NXPH1: variants seen among roughly 807,000 people sequenced by gnomAD.
The protein encoded by NXPH1 is neurexophilin 1.
Under a neutral mutation model 23.7 loss-of-function variants are expected in NXPH1, and 5 were observed. The observed-to-expected ratio is 0.21, with a 90% CI of 0.11 to 0.44. The LOEUF (loss-of-function observed/expected upper bound fraction) is 0.44, where lower values mean the gene tolerates loss of function less well. NXPH1 is among the 20% of genes least tolerant of loss of function. NXPH1 has a pLI of 0.99. For missense variants in NXPH1, 324 were observed against 321.6 expected (o/e 1.01, Z -0.06); for synonymous variants, 144 against 122.2 (o/e 1.18, Z -1.18).
chr7:8,581,940 C>T (rs538194078), intron 2 of NXPH1, among the ~76,000 whole-genome samples: 1 of 152,286 alleles, frequency 6.6e-6, no homozygotes, highest in African/African-American at 2.4e-5. Context: ...CTTGTGCTAC[C>T]AGCCCAGATC....
At chr7:8,521,100 G>T (rs1299383533) in intron 2 of NXPH1, among the ~76,000 whole-genome samples, 2 of 152,156 alleles carry the variant, frequency 1.3e-5, no homozygotes, top group Non-Finnish European at 2.9e-5. Flanking sequence ...TACTTCCTAG[G>T]GTGATTCTAG....
At chr7:8,738,479 G>A (rs554636882) in intron 2 of NXPH1, among the ~76,000 whole-genome samples, 2 of 152,302 alleles carry the variant, frequency 1.3e-5, no homozygotes, top group African/African-American at 4.8e-5. Context: ...ATTGCTGCCT[G>A]TTCCTTCCTC....
chr7:8,504,360 A>AT (rs1299363388), intron 2 of NXPH1, among the ~76,000 whole-genome samples: 3 of 151,600 alleles, frequency 2.0e-5, no homozygotes, highest in African/African-American at 4.8e-5. Flanking sequence ...ATATAATTGT[A>AT]TTTTTTTCAG....
chr7:8,731,730 ACTGCT>A (rs1667698592), intron 2 of NXPH1, among the ~76,000 whole-genome samples: 1 of 152,224 alleles, frequency 6.6e-6, no homozygotes, highest in Non-Finnish European at 1.5e-5. Flanking sequence ...TGGGAGAACC[ACTGCT>A]CTCTTCAAAG....
chr7:8,473,241 CT>C (rs1242563543), intron 2 of NXPH1, among the ~76,000 whole-genome samples: 1 of 152,118 alleles, frequency 6.6e-6, no homozygotes, highest in Non-Finnish European at 1.5e-5. Context: ...TATTGAGCGG[CT>C]GTTCCCAACC....
At chr7:8,600,366 T>G (rs1206643936) in intron 2 of NXPH1, among the ~76,000 whole-genome samples, 1 of 152,212 alleles carries the variant, frequency 6.6e-6, no homozygotes, top group Non-Finnish European at 1.5e-5. Context: ...GCCCATTCAG[T>G]GCCTGACCCA....
chr7:8,499,704 C>G (rs917370540), intron 2 of NXPH1, among the ~76,000 whole-genome samples: 2 of 152,012 alleles, frequency 1.3e-5, no homozygotes, highest in African/African-American at 4.8e-5. Context: ...AGCTAGACTC[C>G]CAGTGGTGAG....
chr7:8,532,550 C>T (rs1467101097), intron 2 of NXPH1, among the ~76,000 whole-genome samples: 1 of 151,584 alleles, frequency 6.6e-6, no homozygotes, highest in Non-Finnish European at 1.5e-5. Flanking sequence ...TTTGAAGTTA[C>T]TCCTTTCTGG....
At chr7:8,627,516 C>G (rs567947979) in intron 2 of NXPH1, among the ~76,000 whole-genome samples, 1 of 152,022 alleles carries the variant, frequency 6.6e-6, no homozygotes, top group Non-Finnish European at 1.5e-5. Flanking sequence ...GTAGTAGGAT[C>G]GCAGGGGGAG....
chr7:8,527,380 A>G (rs1352470450), intron 2 of NXPH1, among the ~76,000 whole-genome samples: 1 of 152,190 alleles, frequency 6.6e-6, no homozygotes, highest in Non-Finnish European at 1.5e-5. Flanking sequence ...GATGGCCTCT[A>G]AATTGCTTTC....
intron 2 of NXPH1, among the ~76,000 whole-genome samples, chr7:8,637,213 C>T (rs571057755): frequency 2.0e-4 from 30 of 150,946 alleles, no homozygotes; most frequent in Non-Finnish European, 3.8e-4. Context: ...TTGCTCACTG[C>T]TGGGACTGAC....
At chr7:8,471,616 A>G (rs1156526177) in intron 2 of NXPH1, among the ~76,000 whole-genome samples, 1 of 152,178 alleles carries the variant, frequency 6.6e-6, no homozygotes, top group East Asian at 1.9e-4. Flanking sequence ...GGAAGGATTC[A>G]TCCATGGCCT....
intron 2 of NXPH1, among the ~76,000 whole-genome samples, chr7:8,504,904 C>G (rs1174839326): frequency 1.3e-5 from 2 of 152,060 alleles, no homozygotes; most frequent in African/African-American, 4.8e-5. Context: ...ACTTCCCAAC[C>G]TCTAGAACTG....
chr7:8,435,496 T>C lies in NXPH1; in HGVS notation c.-110-108T>C, dbSNP rs1276917876. ...TTCAATTTTTCGTACCCTCCCTCCC[T>C]TTTTTTTTTGGTCCCCCACTCCCCG... On this transcript the variant is annotated intron_variant, in intron 1 of 2. Coordinates refer to ENST00000405863, the MANE Select transcript of NXPH1 (RefSeq NM_152745.3). The surrounding 1 kb of genome is among the most constrained non-coding windows in gnomAD (Gnocchi z 5.9). The C allele has an allele frequency of 6.4e-5, 19 of 298,164 alleles. No homozygotes were observed. The Admixed American group carries it at 7.2e-4, about 11-fold the overall frequency. The allele number at this position is 298,164 out of a possible 1,614,324, so 18.5% of individuals were successfully genotyped here.
intron 2 of NXPH1, among the ~76,000 whole-genome samples, chr7:8,703,412 T>A (rs763304743): frequency 2.0e-5 from 3 of 152,150 alleles, no homozygotes; most frequent in African/African-American, 2.4e-5. Context: ...ATACCTGGTT[T>A]GGTTTTTGTT....
chr7:8,566,391 A>G (rs1048756085), intron 2 of NXPH1, among the ~76,000 whole-genome samples: 9 of 151,876 alleles, frequency 5.9e-5, no homozygotes, highest in Admixed American at 4.6e-4. Flanking sequence ...AATACCTAGG[A>G]AAGTGGTAAA....
chr7:8,630,846 G>A (rs890377890), intron 2 of NXPH1, among the ~76,000 whole-genome samples: 1 of 152,116 alleles, frequency 6.6e-6, no homozygotes, highest in Non-Finnish European at 1.5e-5. Flanking sequence ...TGTCATGGGA[G>A]TTTGTTGTAC....
At chr7:8,620,628 A>G (rs529701574) in intron 2 of NXPH1, among the ~76,000 whole-genome samples, 1 of 152,324 alleles carries the variant, frequency 6.6e-6, no homozygotes, top group Admixed American at 6.5e-5. Flanking sequence ...AGGAGATCTG[A>G]GAGAGAAACT....
At chr7:8,612,202 A>T (rs1819636534) in intron 2 of NXPH1, among the ~76,000 whole-genome samples, 5 of 135,478 alleles carry the variant, frequency 3.7e-5, no homozygotes, top group African/African-American at 2.8e-5. Flanking sequence ...ACCTCTCTCC[A>T]TCCCTCTTTC....
Sources: gnomAD v4.1 joint callset for allele counts (sites outside exome capture counted in the v4.1 genomes callset) on GRCh38, gnomAD v4.1.1 for gene constraint, Gnocchi (gnomAD v3.1) non-coding constraint, MANE v1.5 for transcripts, NCBI Gene and HGNC (gene_info 2026-07-23, HGNC 2026-07-21) for gene names.